The following ZMYM2 variants were observed in gnomAD, a reference collection of about 807,000 sequenced individuals.
The protein encoded by ZMYM2 is zinc finger MYM-type protein 2.
ZMYM2 carries 56 observed loss-of-function variants against 162.8 expected under a neutral mutation model. That is an observed-to-expected ratio of 0.34 (90% CI 0.28 to 0.43). ZMYM2 has a LOEUF of 0.43. ZMYM2 is among the 20% of genes least tolerant of loss of function. ZMYM2 has a pLI of 1.00. For missense variants in ZMYM2, 1,275 were observed against 1,621.8 expected, an observed-to-expected ratio of 0.79 and a Z score of 3.67; for synonymous variants, 510 against 541.6, an observed-to-expected ratio of 0.94 and a Z score of 0.81.
intron 20 of ZMYM2, 57 bp downstream of exon 20, chr13:20,067,076 T>C (rs1335681478): frequency 2.9e-5 from 44 of 1,492,636 alleles, no homozygotes; most frequent in African/African-American, 9.8e-5. Context: ...ATTTCTGTTA[T>C]TGAGTACCTT....
At chr13:19,884,443 C>T in the ZMYM2 span, among the ~76,000 whole-genome samples, 1 of 152,004 alleles carries the variant, frequency 6.6e-6, no homozygotes, top group Non-Finnish European at 1.5e-5. Flanking sequence ...CCAGACGTGG[C>T]GGCGGGCGGC....
At chr13:20,058,524 T>C in intron 14 of ZMYM2, 51 bp from the exon 15 acceptor site, 4 of 1,580,230 alleles carry the variant, frequency 2.5e-6, no homozygotes, top group Non-Finnish European at 3.4e-6. Flanking sequence ...CACTAGGAAG[T>C]ATTGAAAATT....
chr13:19,934,934 T>C, the ZMYM2 span, among the ~76,000 whole-genome samples: 8 of 151,988 alleles, frequency 5.3e-5, 1 homozygote, highest in South Asian at 1.7e-3. Flanking sequence ...GCCTGGCTAA[T>C]TTTTGTATTT....
chr13:19,914,982 T>C, the ZMYM2 span, among the ~76,000 whole-genome samples: 1 of 152,264 alleles, frequency 6.6e-6, no homozygotes, highest in East Asian at 1.9e-4. Flanking sequence ...GGTCCAAGTA[T>C]CAAAGGGTGG....
At chr13:19,936,499 A>T in the ZMYM2 span, among the ~76,000 whole-genome samples, 1 of 152,180 alleles carries the variant, frequency 6.6e-6, no homozygotes, top group Non-Finnish European at 1.5e-5. Context: ...AGGCAGGCAG[A>T]TTACTTGAGG....
the ZMYM2 span, among the ~76,000 whole-genome samples, chr13:19,946,654 G>A: frequency 6.6e-6 from 1 of 152,184 alleles, no homozygotes; most frequent in African/African-American, 2.4e-5. Flanking sequence ...CTACATCCGT[G>A]TGATTCACTG....
chr13:19,980,544 G>A (rs903359839), intron 2 of ZMYM2, among the ~76,000 whole-genome samples: 1 of 151,924 alleles, frequency 6.6e-6, no homozygotes, highest in African/African-American at 2.4e-5. Context: ...TTGAGGTCAG[G>A]AGTTGGAGAC....
rs562188809 is a variant in ZMYM2 at position 20,059,401 on chromosome 13, T to TAA, written c.2624-45_2624-44dup. ...TATTTTAACATTGAGCACCTGTATA[T>TAA]AAGTGTTAGTTAACATTGCTCCTTA... On this transcript the variant is annotated intron_variant, in intron 15 of 24. Transcript: ENST00000610343. 372 of 1,602,490 alleles carry TAA rather than the reference T, an allele frequency of 2.3e-4. 12 individuals carry two copies. In the South Asian group the frequency reaches 3.9e-3, roughly 17 times the overall value.
At chr13:20,058,028 T>C (rs1955940838) in intron 14 of ZMYM2, among the ~76,000 whole-genome samples, 1 of 152,218 alleles carries the variant, frequency 6.6e-6, no homozygotes, top group Admixed American at 6.5e-5. Flanking sequence ...TCTGAGAGAC[T>C]GCATCTGTAG....
intron 12 of ZMYM2, among the ~76,000 whole-genome samples, chr13:20,038,680 A>G (rs1953958618): frequency 6.6e-6 from 1 of 151,868 alleles, no homozygotes; most frequent in Non-Finnish European, 1.5e-5. Flanking sequence ...GTATCCCTGT[A>G]GTATAGTTTG....
intron 24 of ZMYM2, 113 bp downstream of exon 24, chr13:20,083,889 C>A: frequency 1.8e-6 from 2 of 1,096,376 alleles, no homozygotes; most frequent in East Asian, 2.6e-5. Context: ...GATTTCTTCT[C>A]TCTCAGTTAT....
intron 12 of ZMYM2, among the ~76,000 whole-genome samples, chr13:20,038,183 C>T (rs768162800): frequency 1.3e-5 from 2 of 152,172 alleles, no homozygotes; most frequent in Non-Finnish European, 2.9e-5. Flanking sequence ...TCTTTATCCA[C>T]TCTACTATTG....
At chr13:20,085,796 TTC>T in intron 24 of ZMYM2, 24 bp from the exon 25 acceptor site, 2 of 1,563,720 alleles carry the variant, frequency 1.3e-6, no homozygotes, top group Non-Finnish European at 1.7e-6. Flanking sequence ...AATTGACTTT[TTC>T]TCTTTTTCCT....
At chr13:20,059,601 A>C (rs775029317) in intron 16 of ZMYM2, 39 bp downstream of exon 16, 1 of 927,262 alleles carries the variant, frequency 1.1e-6, no homozygotes, top group Non-Finnish European at 1.8e-6. Context: ...TTTGAGATTT[A>C]GCAGACACAG....
At chr13:19,885,578 G>A in the ZMYM2 span, among the ~76,000 whole-genome samples, 2 of 152,130 alleles carry the variant, frequency 1.3e-5, no homozygotes, top group East Asian at 1.9e-4. Context: ...AGTGGCTCAC[G>A]CCTATAATCC....
At chr13:19,925,774 G>A in the ZMYM2 span, among the ~76,000 whole-genome samples, 2 of 151,026 alleles carry the variant, frequency 1.3e-5, no homozygotes, top group Non-Finnish European at 2.9e-5. Flanking sequence ...GGGAGGCTGA[G>A]GCAGGAAAAT....
the ZMYM2 span, among the ~76,000 whole-genome samples, chr13:19,913,145 G>A: frequency 2.0e-5 from 3 of 152,220 alleles, no homozygotes; most frequent in Non-Finnish European, 2.9e-5. Flanking sequence ...AGCCTTTGGC[G>A]GGCCCCTATA....
At chr13:19,961,008 G>A (rs1265102982) in intron 2 of ZMYM2, among the ~76,000 whole-genome samples, 2 of 152,052 alleles carry the variant, frequency 1.3e-5, no homozygotes, top group Non-Finnish European at 2.9e-5. Context: ...AATATACACC[G>A]TTCTAGGCAC....
rs1566350796 is a variant in ZMYM2 at position 20,032,598 on chromosome 13, TC to T, written c.1968+1164del. Reference sequence around the variant, plus strand: ...ACTGGATTACATGATTTTTTTTCTGTCTTTTTTTTTTTTTTTTTTTTTTTTT... The same window carrying T: ...ACTGGATTACATGATTTTTTTTCTGTTTTTTTTTTTTTTTTTTTTTTTTTT... On this transcript the variant is annotated intron_variant, in intron 10 of 24. Coordinates refer to ENST00000610343, the MANE Select transcript of ZMYM2 (RefSeq NM_197968.4). Among the ~76,000 whole-genome samples the T allele has an allele frequency of 1.4e-3, 158 of 114,320 alleles. 2 individuals are homozygous for T. Among genetic ancestry groups the T allele is most frequent in the Non-Finnish European group, 2.3e-3 (118 of 51,568 alleles). The allele number at this position is 114,320 out of a possible 152,430, so 75.0% of individuals were successfully genotyped here.
Sources: gnomAD v4.1 joint callset for allele counts (sites outside exome capture counted in the v4.1 genomes callset) on GRCh38, gnomAD v4.1.1 for gene constraint, MANE v1.5 for transcripts, NCBI Gene and HGNC (gene_info 2026-07-23, HGNC 2026-07-21) for gene names.